The following OTUD7A variants were observed in gnomAD, a reference collection of about 807,000 sequenced individuals.
OTUD7A encodes the protein OTU domain-containing protein 7A.
In OTUD7A, 12 loss-of-function variants were observed where a neutral mutation model predicts 65.7. The observed-to-expected ratio is 0.18, with a 90% CI of 0.12 to 0.30. OTUD7A has a LOEUF of 0.30. Ranked by LOEUF, OTUD7A falls within the 10% of genes least tolerant of loss-of-function variation. OTUD7A has a pLI of 1.00. For synonymous variants in OTUD7A, 641 were observed against 586.3 expected (o/e 1.09, Z -1.35); for missense variants, 1,148 against 1,304.8 (o/e 0.88, Z 1.85).
chr15:31,817,409 C>G (rs115062986), intron 1 of OTUD7A, among the ~76,000 whole-genome samples: 51 of 152,060 alleles, frequency 3.4e-4, no homozygotes, highest in African/African-American at 1.2e-3. Flanking sequence ...AAATCAAACA[C>G]CAGGAGATTA....
chr15:31,794,167 C>T (rs1352799006), intron 1 of OTUD7A, among the ~76,000 whole-genome samples: 1 of 152,142 alleles, frequency 6.6e-6, no homozygotes, highest in African/African-American at 2.4e-5. Flanking sequence ...TAGAAGCTTA[C>T]CCTGTGGATA....
rs1399361765 is a variant in OTUD7A, at chr15:31,845,006, CAGAG to C, written c.-100+25497_-100+25500del. On this transcript the variant is annotated intron_variant, in intron 1 of 12. Transcript: ENST00000307050. ...GGAAGACCCTGCTACCCCCAGCAAA[CAGAG>C]AGCCTCCTGTATGAGCTCTTCTCTC... Among the ~76,000 whole-genome samples, 5 of 152,194 alleles carry C rather than the reference CAGAG, an allele frequency of 3.3e-5. No homozygotes were observed. The East Asian group carries it at 9.6e-4, about 29-fold the overall frequency.
intron 3 of OTUD7A, among the ~76,000 whole-genome samples, chr15:31,627,104 T>C (rs1215603936): frequency 6.6e-6 from 1 of 151,994 alleles, no homozygotes; most frequent in Non-Finnish European, 1.5e-5. Context: ...TTATTATTAT[T>C]ATACTTTTAA....
chr15:31,520,720 CAG>C (rs1207085564), intron 8 of OTUD7A, among the ~76,000 whole-genome samples: 2 of 152,136 alleles, frequency 1.3e-5, no homozygotes, highest in Non-Finnish European at 2.9e-5. Context: ...TTATGGAAAA[CAG>C]TGTGGAGATT....
intron 1 of OTUD7A, among the ~76,000 whole-genome samples, chr15:31,769,435 G>A (rs1895175568): frequency 2.0e-5 from 3 of 152,172 alleles, no homozygotes; most frequent in Non-Finnish European, 2.9e-5. Context: ...ATATACTTAC[G>A]CATGACACAG....
At chr15:31,721,929 T>C (rs1893750379) in intron 1 of OTUD7A, among the ~76,000 whole-genome samples, 1 of 152,238 alleles carries the variant, frequency 6.6e-6, no homozygotes, top group Non-Finnish European at 1.5e-5. Context: ...CAGTGCAGCA[T>C]CTGGCTCGAA....
chr15:31,505,533 T>C lies in OTUD7A; in HGVS notation c.894-1715A>G, dbSNP rs1277687089. Among the ~76,000 whole-genome samples the C allele has an allele frequency of 1.5e-4, 23 of 152,180 alleles. 1 individual carries two copies. The highest frequency in any genetic ancestry group is 3.4e-4 in the Non-Finnish European group (23 of 68,036). ...AGGCTTTGAAGAGAAAACTCTATTT[T>C]ACTTTTTACAATTCTCCCTCTTATA... On this transcript the variant is annotated intron_variant, in intron 8 of 12. Transcript: ENST00000307050.
At chr15:31,572,236 C>T (rs1172384655) in intron 3 of OTUD7A, among the ~76,000 whole-genome samples, 4 of 152,136 alleles carry the variant, frequency 2.6e-5, no homozygotes, top group Admixed American at 1.3e-4. Flanking sequence ...TTTTCTCCTG[C>T]AGATCTTCAA....
intron 1 of OTUD7A, among the ~76,000 whole-genome samples, chr15:31,698,079 C>G (rs936074494): frequency 6.6e-6 from 1 of 152,208 alleles, no homozygotes; most frequent in Non-Finnish European, 1.5e-5. Flanking sequence ...ACCCTTCCCT[C>G]CCCTCCAAGG....
chr15:31,487,155 C>A lies in OTUD7A; in HGVS notation c.1371+39G>T, dbSNP rs1413990064. ...TCAGACTGGAGCTGAGCAGCCTGGACCCTGCTGCCAGGTCTGGTCCCAGCA... is the reference window on the plus strand; with the variant it reads ...TCAGACTGGAGCTGAGCAGCCTGGAACCTGCTGCCAGGTCTGGTCCCAGCA... On this transcript the variant is annotated intron_variant, in intron 12 of 12. Coordinates refer to ENST00000307050, the MANE Select transcript of OTUD7A (RefSeq NM_001382637.1). The surrounding 1 kb of genome is among the most constrained non-coding windows in gnomAD (Gnocchi z 6.0). The A allele has an allele frequency of 6.3e-7, 1 of 1,586,912 alleles. No homozygotes were observed.
intron 3 of OTUD7A, among the ~76,000 whole-genome samples, chr15:31,644,110 T>C (rs1323277330): frequency 6.6e-6 from 1 of 151,708 alleles, no homozygotes; most frequent in East Asian, 1.9e-4. Context: ...GCCTGTATAA[T>C]AAAAGGGTGG....
At chr15:31,598,569 T>C (rs978961809) in intron 3 of OTUD7A, among the ~76,000 whole-genome samples, 3 of 152,096 alleles carry the variant, frequency 2.0e-5, no homozygotes, top group Non-Finnish European at 4.4e-5. Context: ...AGCACAAAAC[T>C]GGGCAGCCGT....
intron 1 of OTUD7A, among the ~76,000 whole-genome samples, chr15:31,823,229 C>T (rs914246884): frequency 2.0e-5 from 3 of 152,204 alleles, no homozygotes; most frequent in African/African-American, 7.2e-5. Flanking sequence ...CAGCAGAAAT[C>T]GAGAAATTCA....
At chr15:31,742,517 GA>G (rs1209329016) in intron 1 of OTUD7A, among the ~76,000 whole-genome samples, 1 of 151,930 alleles carries the variant, frequency 6.6e-6, no homozygotes, top group Non-Finnish European at 1.5e-5. Context: ...CGGCTCCTTA[GA>G]AAAAATCTGG....
chr15:31,739,566 T>A (rs1894282893), intron 1 of OTUD7A, among the ~76,000 whole-genome samples: 1 of 152,176 alleles, frequency 6.6e-6, no homozygotes, highest in Admixed American at 6.5e-5. Context: ...ACTAAGGTTT[T>A]TAAAATGCAA....
chr15:31,502,415 C>T (rs1317209784), intron 9 of OTUD7A, among the ~76,000 whole-genome samples: 2 of 152,192 alleles, frequency 1.3e-5, no homozygotes, highest in African/African-American at 4.8e-5. Flanking sequence ...AGAATAACTT[C>T]TGGAAATATC....
intron 1 of OTUD7A, among the ~76,000 whole-genome samples, chr15:31,772,774 T>C (rs977102322): frequency 5.9e-5 from 9 of 152,252 alleles, no homozygotes; most frequent in African/African-American, 2.2e-4. Flanking sequence ...GAAGTTCAAA[T>C]AGCACCTACA....
Position 31,509,767 on chromosome 15 carries a change from T to G in OTUD7A, c.894-5949A>C, listed in dbSNP as rs544132475. Among the ~76,000 whole-genome samples, 19 of 134,310 alleles carry G rather than the reference T, an allele frequency of 1.4e-4. No homozygotes were observed. The South Asian group carries it at 4.2e-3, about 30-fold the overall frequency. The allele number at this position is 134,310 out of a possible 152,430, so 88.1% of individuals were successfully genotyped here. A position where few individuals can be genotyped will look rare whatever the true frequency, so the allele number is the denominator to read the frequency against. On this transcript the variant is annotated intron_variant, in intron 8 of 12. Coordinates refer to ENST00000307050, the MANE Select transcript of OTUD7A (RefSeq NM_001382637.1). ...TACTTTTAAATTACGTAATATTTTT[T>G]GCATAAATTTTTTTTATAACTTTTT...
At chr15:31,840,345 C>T (rs1436533337) in intron 1 of OTUD7A, among the ~76,000 whole-genome samples, 5 of 151,892 alleles carry the variant, frequency 3.3e-5, no homozygotes, top group Non-Finnish European at 7.4e-5. Flanking sequence ...GGCTGAGGCA[C>T]GAGAATCATT....
Sources: gnomAD v4.1 joint callset for allele counts (sites outside exome capture counted in the v4.1 genomes callset) on GRCh38, gnomAD v4.1.1 for gene constraint, Gnocchi (gnomAD v3.1) non-coding constraint, MANE v1.5 for transcripts, NCBI Gene and HGNC (gene_info 2026-07-23, HGNC 2026-07-21) for gene names.